The following SNX2 variants were observed in gnomAD, a reference collection of about 807,000 sequenced individuals.
The protein encoded by SNX2 is sorting nexin 2.
Under a neutral mutation model 69.9 loss-of-function variants are expected in SNX2, and 25 were observed. The observed-to-expected ratio is 0.36, with a 90% CI of 0.26 to 0.50. The LOEUF is 0.50. Among genes scored for constraint, SNX2 ranks in the 20% least tolerant of loss-of-function variants. SNX2 has a pLI of 0.97. For synonymous variants in SNX2, 229 were observed against 200.4 expected, an observed-to-expected ratio of 1.14 and a Z score of -1.20; for missense variants, 551 against 613.3, an observed-to-expected ratio of 0.90 and a Z score of 1.07.
chr5:122,817,760 G>T (rs1488208046), intron 10 of SNX2, among the ~76,000 whole-genome samples: 2 of 152,000 alleles, frequency 1.3e-5, no homozygotes, highest in Non-Finnish European at 2.9e-5. Flanking sequence ...AAAAAAACTT[G>T]AGATTTGAAA....
intron 6 of SNX2, among the ~76,000 whole-genome samples, chr5:122,804,844 T>C (rs1561459681): frequency 6.6e-6 from 1 of 152,254 alleles, no homozygotes; most frequent in Non-Finnish European, 1.5e-5. Flanking sequence ...TTTTTTCCTT[T>C]AAAGTAATTA....
At chr5:122,811,567 C>T (rs1057108398) in intron 7 of SNX2, among the ~76,000 whole-genome samples, 4 of 152,132 alleles carry the variant, frequency 2.6e-5, no homozygotes, top group Admixed American at 2.6e-4. Flanking sequence ...CGCGGTGGCT[C>T]ACACCTGTAA....
chr5:122,829,673 G>C lies in SNX2; in HGVS notation c.*25G>C, dbSNP rs755567216. ...GCAATAAGATTGTTGCCGTTAAGAA[G>C]ACCTTGGATGTTGTTCCAGTTATGC... On this transcript the variant is annotated 3_prime_UTR_variant, in exon 15 of 15. Transcript: ENST00000379516. 24 of 1,601,180 alleles carry C rather than the reference G, an allele frequency of 1.5e-5. No individual in the cohort carries two copies. Among genetic ancestry groups the C allele is most frequent in the Non-Finnish European group, 2.1e-5 (24 of 1,168,516 alleles).
chr5:122,802,929 A>T (rs1392708627), intron 5 of SNX2, among the ~76,000 whole-genome samples: 2 of 152,190 alleles, frequency 1.3e-5, no homozygotes, highest in Non-Finnish European at 2.9e-5. Flanking sequence ...AGAGTGATCC[A>T]TGGAGAAAGG....
chr5:122,785,709 A>G (rs1753069447), intron 1 of SNX2, among the ~76,000 whole-genome samples: 1 of 152,128 alleles, frequency 6.6e-6, no homozygotes, highest in Non-Finnish European at 1.5e-5. Flanking sequence ...GCTATTACTG[A>G]TTTCTGGTTT....
chr5:122,779,865 A>G (rs568874003), intron 1 of SNX2, among the ~76,000 whole-genome samples: 1 of 152,276 alleles, frequency 6.6e-6, no homozygotes, highest in South Asian at 2.1e-4. Flanking sequence ...AGCATGCATT[A>G]GGTCTTTTCC....
chr5:122,827,908 TC>T, intron 14 of SNX2: 1 of 347,564 alleles, frequency 2.9e-6, no homozygotes, highest in Non-Finnish European at 5.2e-6. Flanking sequence ...TGGGCAACTT[TC>T]CCCTTTCACT....
At chr5:122,817,999 A>G (rs1753938060) in intron 10 of SNX2, among the ~76,000 whole-genome samples, 1 of 152,148 alleles carries the variant, frequency 6.6e-6, no homozygotes, top group Admixed American at 6.5e-5. Context: ...AAGACATTTA[A>G]TAAGCAAATA....
intron 3 of SNX2, among the ~76,000 whole-genome samples, chr5:122,800,299 A>T (rs913229444): frequency 6.6e-6 from 1 of 152,200 alleles, no homozygotes; most frequent in African/African-American, 2.4e-5. Flanking sequence ...ATTTCTGACA[A>T]GGTGAATTTG....
intron 6 of SNX2, among the ~76,000 whole-genome samples, chr5:122,808,034 G>T (rs1248991251): frequency 6.8e-6 from 1 of 147,714 alleles, no homozygotes; most frequent in Admixed American, 6.9e-5. Flanking sequence ...AAGCAGTATG[G>T]GTCAGAAAAC....
At chr5:122,798,912 G>A (rs904832533) in intron 2 of SNX2, among the ~76,000 whole-genome samples, 3 of 152,016 alleles carry the variant, frequency 2.0e-5, no homozygotes, top group African/African-American at 4.8e-5. Context: ...GTTTGCCTGG[G>A]TATTATTTAA....
rs147188322 is a variant in SNX2 at position 122,806,094 on chromosome 5, A to ATGTG, written c.644-2168_644-2165dup. Among the ~76,000 whole-genome samples the ATGTG allele has an allele frequency of 9.1e-3, 1,140 of 124,752 alleles. 6 individuals are homozygous for ATGTG. Among genetic ancestry groups the ATGTG allele is most frequent in the East Asian group, 0.085 (268 of 3,170 alleles). 81.8% of individuals were successfully genotyped at this position (124,752 alleles called of 152,430 possible). A position where few individuals can be genotyped will look rare whatever the true frequency, so the allele number is the denominator to read the frequency against. ...CGCGCCTGGCCTGTTTAAAACTTTT[A>ATGTG]TGTGTGTGTGTGTGTGTGCGTGTGT... On this transcript the variant is annotated intron_variant, in intron 6 of 14. Transcript: ENST00000379516.
intron 14 of SNX2, among the ~76,000 whole-genome samples, 179 bp from the exon 15 acceptor site, chr5:122,829,419 A>G (rs1310070419): frequency 6.6e-6 from 1 of 151,858 alleles, no homozygotes; most frequent in African/African-American, 2.4e-5. Flanking sequence ...TGACCAGGCT[A>G]GTCTTGAACT....
rs1042080819 is a variant in SNX2, at chr5:122,833,347, A to C, written c.*3699A>C. 1 of 152,206 alleles carries C rather than the reference A, an allele frequency of 6.6e-6. No homozygotes were observed. The highest frequency in any genetic ancestry group is 2.4e-5 in the African/African-American group (1 of 41,446). 9.4% of individuals were successfully genotyped at this position (152,206 alleles called of 1,614,324 possible). A position where few individuals can be genotyped will look rare whatever the true frequency, so the allele number is the denominator to read the frequency against. ...GTAATCTATGGAGAAGGTCCTTAAG[A>C]GCATAGAACAATATAAATATAATAT... On this transcript the variant is annotated 3_prime_UTR_variant, in exon 15 of 15. Transcript: ENST00000379516.
Position 122,795,262 on chromosome 5 carries a change from A to G in SNX2, c.109-4A>G. 6.3e-7 allele frequency: 1 copy of G among 1,598,304 alleles called. No homozygotes were observed. On this transcript the variant is annotated splice_region_variant and splice_polypyrimidine_tract_variant and intron_variant, in intron 1 of 14. Coordinates refer to ENST00000379516, the MANE Select transcript of SNX2 (RefSeq NM_003100.4). ...CATTACCTATTATTGTTCTTTTTTA[A>G]CAGTCAAGTCCATCATCTCCAGAAC...
At position 122,817,529 on chromosome 5, in the gene SNX2, T is replaced by G. The variant is rs943829130; in HGVS notation, c.1006+156T>G. On this transcript the variant is annotated intron_variant, in intron 10 of 14. Coordinates refer to ENST00000379516, the MANE Select transcript of SNX2 (RefSeq NM_003100.4). The stretch of plus-strand genomic sequence containing the variant: ...CTAGTTCAACTTTATTATGTAAATT[T>G]TTTTTGTTCTATTTTGCTTTACTAT... Among the ~76,000 whole-genome samples the G allele has an allele frequency of 2.0e-5, 3 of 152,168 alleles. No individual in the cohort carries two copies. The East Asian group carries it at 5.8e-4, about 29-fold the overall frequency.
chr5:122,810,746 A>G (rs926698276), intron 7 of SNX2, among the ~76,000 whole-genome samples: 1 of 152,192 alleles, frequency 6.6e-6, no homozygotes, highest in Non-Finnish European at 1.5e-5. Flanking sequence ...GATAAATGCT[A>G]CTTGTTAAAT....
intron 7 of SNX2, among the ~76,000 whole-genome samples, chr5:122,811,619 C>T (rs550915848): frequency 6.6e-6 from 1 of 152,020 alleles, no homozygotes; most frequent in South Asian, 2.1e-4. Context: ...ATCACGAGGT[C>T]AAGAGATCAA....
chr5:122,817,189 T>C (rs997142251), intron 9 of SNX2, 91 bp from the exon 10 acceptor site: 11 of 1,350,538 alleles, frequency 8.1e-6, no homozygotes, highest in Non-Finnish European at 1.2e-5. Flanking sequence ...AATTTGTTGC[T>C]TTAAAACAAG....
Sources: gnomAD v4.1 joint callset for allele counts (sites outside exome capture counted in the v4.1 genomes callset) on GRCh38, gnomAD v4.1.1 for gene constraint, MANE v1.5 for transcripts, NCBI Gene and HGNC (gene_info 2026-07-23, HGNC 2026-07-21) for gene names.